ANKFN1: variants seen among roughly 807,000 people sequenced by gnomAD.
The protein encoded by ANKFN1 is ankyrin repeat and fibronectin type-III domain-containing protein 1.
ANKFN1 carries 74 observed loss-of-function variants against 108.7 expected under a neutral mutation model. The observed-to-expected ratio is 0.68, with a 90% CI of 0.56 to 0.83. ANKFN1 has a LOEUF of 0.83. Ranked by LOEUF, ANKFN1 falls within the 40% of genes least tolerant of loss-of-function variation. ANKFN1 has a pLI of 0.00. For missense variants in ANKFN1, 1,505 were observed against 1,382.3 expected (o/e 1.09, Z -1.41); for synonymous variants, 547 against 516.2 (o/e 1.06, Z -0.81).
chr17:56,384,552 T>C (rs2047205135), intron 8 of ANKFN1, among the ~76,000 whole-genome samples: 1 of 152,226 alleles, frequency 6.6e-6, no homozygotes, highest in Admixed American at 6.5e-5. Flanking sequence ...TGTTTGCAGA[T>C]GACATGACTG....
At chr17:56,291,667 G>A (rs2044367984) in intron 3 of ANKFN1, among the ~76,000 whole-genome samples, 1 of 152,184 alleles carries the variant, frequency 6.6e-6, no homozygotes, top group Non-Finnish European at 1.5e-5. Flanking sequence ...CTTTGCTGCA[G>A]ATGGCCTAGC....
chr17:56,511,355 C>A lies in ANKFN1; in HGVS notation c.*86C>A. 1 of 1,279,884 alleles carries A rather than the reference C, an allele frequency of 7.8e-7. No individual in the cohort carries two copies. The highest frequency in any genetic ancestry group is 1.0e-6 in the Non-Finnish European group (1 of 957,250). The allele number at this position is 1,279,884 out of a possible 1,614,324, so 79.3% of individuals were successfully genotyped here. A position where few individuals can be genotyped will look rare whatever the true frequency, so the allele number is the denominator to read the frequency against. ...ACCCCCATCCTGCCCCACTGTGTAC[C>A]CACTCATTTTCAAGCGTTTTGAATG... On this transcript the variant is annotated 3_prime_UTR_variant, in exon 21 of 21. Transcript: ENST00000682825.
chr17:56,298,949 A>T (rs908034977), intron 3 of ANKFN1, among the ~76,000 whole-genome samples: 6 of 152,188 alleles, frequency 3.9e-5, no homozygotes, highest in Admixed American at 1.3e-4. Context: ...CATTTACCCC[A>T]TCTCAGTGAT....
intron 4 of ANKFN1, among the ~76,000 whole-genome samples, chr17:56,334,747 G>C (rs11079221): frequency 0.5 from 75,734 of 151,872 alleles, 19,271 homozygotes; most frequent in Middle Eastern, 0.57. Flanking sequence ...TTCAATCAGT[G>C]TTATATCAGA....
intron 4 of ANKFN1, among the ~76,000 whole-genome samples, chr17:56,109,712 G>A (rs1376840277): frequency 2.0e-5 from 3 of 152,338 alleles, no homozygotes; most frequent in East Asian, 3.9e-4. Flanking sequence ...CTTCGAGGAG[G>A]TAGGAAGTAC....
chr17:56,424,250 A>T (rs1351139954), intron 8 of ANKFN1, among the ~76,000 whole-genome samples: 1 of 152,154 alleles, frequency 6.6e-6, no homozygotes, highest in African/African-American at 2.4e-5. Context: ...AAAACTTACA[A>T]ACCTGTGTAC....
intron 1 of ANKFN1, among the ~76,000 whole-genome samples, chr17:56,166,975 T>C (rs900436735): frequency 1.3e-5 from 2 of 152,010 alleles, no homozygotes; most frequent in African/African-American, 2.4e-5. Flanking sequence ...AATTATTGGA[T>C]CAGCCATCAC....
chr17:56,315,233 G>A lies in ANKFN1; in HGVS notation c.54-10988G>A, dbSNP rs192509116. Among the ~76,000 whole-genome samples, 11 of 152,308 alleles carry A rather than the reference G, an allele frequency of 7.2e-5. No individual in the cohort carries two copies. In the East Asian group the frequency reaches 2.1e-3, roughly 29 times the overall value. On this transcript the variant is annotated intron_variant, in intron 3 of 20. Coordinates refer to ENST00000682825, the MANE Select transcript of ANKFN1 (RefSeq NM_001370326.1). ...GGAGGAGATGGTGAATATGTAGCAT[G>A]ATTCATTCTCTCTCTCTCTCTTTCT... is the stretch of plus-strand genomic sequence containing the variant.
rs116490405 is a variant in ANKFN1 at position 56,509,811 on chromosome 17, A to C, written c.2645-662A>C. ...GAAACCTTGATACTGACTCCCTAAC[A>C]AATCAGACTTTATCCATGAATTTTG... On this transcript the variant is annotated intron_variant, in intron 20 of 20. Coordinates refer to ENST00000682825, the MANE Select transcript of ANKFN1 (RefSeq NM_001370326.1). Among the ~76,000 whole-genome samples, 1,183 of 152,344 alleles carry C rather than the reference A, an allele frequency of 7.8e-3. 16 individuals are homozygous for C. The highest frequency in any genetic ancestry group is 0.027 in the African/African-American group (1,141 of 41,572).
At chr17:56,099,454 T>G (rs767631398) in intron 4 of ANKFN1, among the ~76,000 whole-genome samples, 6 of 152,168 alleles carry the variant, frequency 3.9e-5, no homozygotes, top group Non-Finnish European at 8.8e-5. Flanking sequence ...CTTCCACCAT[T>G]CTTCCAAGGG....
intron 20 of ANKFN1, among the ~76,000 whole-genome samples, chr17:56,501,879 G>A (rs951317054): frequency 2.0e-5 from 3 of 152,178 alleles, no homozygotes; most frequent in African/African-American, 7.2e-5. Context: ...AGCTTCAGTT[G>A]TTTTGCTTTT....
chr17:56,343,913 T>C (rs1205940944), intron 4 of ANKFN1, among the ~76,000 whole-genome samples: 2 of 152,038 alleles, frequency 1.3e-5, no homozygotes, highest in East Asian at 3.9e-4. Context: ...TAGTTCTTGA[T>C]TTTCTTCATA....
intron 3 of ANKFN1, among the ~76,000 whole-genome samples, chr17:56,263,241 C>A (rs1341330767): frequency 6.6e-6 from 1 of 152,058 alleles, no homozygotes; most frequent in African/African-American, 2.4e-5. Flanking sequence ...TGAAAGCTAT[C>A]GAGAGAATTC....
At chr17:56,055,325 T>C (rs1289592909) in intron 4 of ANKFN1, among the ~76,000 whole-genome samples, 1 of 151,592 alleles carries the variant, frequency 6.6e-6, no homozygotes. Context: ...ATATGAGATA[T>C]TTGGTTTTCT....
At chr17:56,497,270 T>C (rs8070286) in intron 19 of ANKFN1, among the ~76,000 whole-genome samples, 113,074 of 152,002 alleles carry the variant, frequency 0.74, 42,304 homozygotes, top group East Asian at 0.96. Context: ...TGGCTTAGTG[T>C]CTCCTCATGG....
At chr17:56,491,274 A>C (rs1235032527) in intron 18 of ANKFN1, among the ~76,000 whole-genome samples, 2 of 152,188 alleles carry the variant, frequency 1.3e-5, no homozygotes, top group Admixed American at 1.3e-4. Context: ...AGGTAAACAG[A>C]GTAAAAGAGG....
intron 8 of ANKFN1, among the ~76,000 whole-genome samples, chr17:56,407,931 CTTTTT>C (rs761975892): frequency 1.9e-5 from 2 of 104,642 alleles, no homozygotes; most frequent in Non-Finnish European, 1.9e-5. Flanking sequence ...TCTTTTTTAT[CTTTTT>C]TTTTTTTTTT....
intron 8 of ANKFN1, among the ~76,000 whole-genome samples, chr17:56,381,708 A>G (rs1420516034): frequency 6.6e-6 from 1 of 152,234 alleles, no homozygotes; most frequent in Non-Finnish European, 1.5e-5. Context: ...GAAATGAATG[A>G]AATGAAGCGA....
At chr17:56,115,568 G>A (rs1325493496) in intron 4 of ANKFN1, among the ~76,000 whole-genome samples, 1 of 152,110 alleles carries the variant, frequency 6.6e-6, no homozygotes, top group Non-Finnish European at 1.5e-5. Flanking sequence ...TAACCATGTG[G>A]AAGACTGTTG....
Sources: gnomAD v4.1 joint callset for allele counts (sites outside exome capture counted in the v4.1 genomes callset) on GRCh38, gnomAD v4.1.1 for gene constraint, MANE v1.5 for transcripts, NCBI Gene and HGNC (gene_info 2026-07-23, HGNC 2026-07-21) for gene names.